Variants in DEPDC5 observed in about 807,000 individuals in gnomAD.
DEPDC5 encodes DEP domain containing 5, GATOR1 subcomplex subunit.
A neutral mutation model predicts 217.3 loss-of-function variants in DEPDC5; 73 were observed. The observed-to-expected ratio is 0.34, with a 90% CI of 0.28 to 0.41. The LOEUF (loss-of-function observed/expected upper bound fraction) is 0.41, where lower values mean the gene tolerates loss of function less well. DEPDC5 is among the 10% of genes least tolerant of loss of function. DEPDC5 has a pLI of 1.00. For synonymous variants in DEPDC5, 733 were observed against 756.7 expected (o/e 0.97, Z 0.51); for missense variants, 1,675 against 2,070.1 (o/e 0.81, Z 3.70).
At chr22:31,903,317 T>A (rs113190837) in intron 41 of DEPDC5, among the ~76,000 whole-genome samples, 300 of 21,638 alleles carry the variant, frequency 0.014, 4 homozygotes, top group Middle Eastern at 0.042. Context: ...GTAAACCCCC[T>A]CCACCTTCCA....
chr22:31,788,543 G>T (rs956115157), intron 10 of DEPDC5, among the ~76,000 whole-genome samples: 3 of 151,226 alleles, frequency 2.0e-5, no homozygotes, highest in Non-Finnish European at 4.4e-5. Flanking sequence ...CTCCCAATGT[G>T]CTGAGATTAC....
chr22:31,780,412 T>C (rs1031098062), intron 8 of DEPDC5, among the ~76,000 whole-genome samples: 2 of 152,126 alleles, frequency 1.3e-5, no homozygotes, highest in Non-Finnish European at 2.9e-5. Context: ...GAAAAGTCTT[T>C]TGGATGCCTG....
intron 3 of DEPDC5, among the ~76,000 whole-genome samples, chr22:31,759,676 CT>C (rs35291104): frequency 0.014 from 1,316 of 94,944 alleles, 8 homozygotes; most frequent in Non-Finnish European, 0.019. Context: ...CGCGCCCAGC[CT>C]TTTTTTTTTT....
chr22:31,778,251 G>C, intron 8 of DEPDC5, 83 bp downstream of exon 8: 1 of 1,392,870 alleles, frequency 7.2e-7, no homozygotes, highest in Non-Finnish European at 1.0e-6. Flanking sequence ...AAACAAGGGC[G>C]GGGCAGGACA....
intron 10 of DEPDC5, 102 bp from the exon 11 acceptor site, chr22:31,791,925 CAAAAAA>C (rs34494517): frequency 2.3e-3 from 282 of 124,004 alleles, no homozygotes; most frequent in South Asian, 6.3e-3. Flanking sequence ...GACTCCGTCT[CAAAAAA>C]AAAAAAAAAA....
At chr22:31,756,122 A>G (rs957575494) in intron 2 of DEPDC5, among the ~76,000 whole-genome samples, 5 of 151,366 alleles carry the variant, frequency 3.3e-5, no homozygotes, top group Admixed American at 6.6e-5. Flanking sequence ...AGCTCAGGCA[A>G]TCCGCCCACC....
At chr22:31,857,387 G>A (rs2092341526) in intron 31 of DEPDC5, 58 bp from the exon 32 acceptor site, 5 of 1,454,192 alleles carry the variant, frequency 3.4e-6, no homozygotes, top group African/African-American at 2.8e-5. Context: ...TGGCCGACAT[G>A]GATCCTTCAC....
intron 31 of DEPDC5, among the ~76,000 whole-genome samples, chr22:31,851,786 C>G (rs1385425302): frequency 6.6e-6 from 1 of 152,200 alleles, no homozygotes; most frequent in South Asian, 2.1e-4. Flanking sequence ...ATTGAACAAG[C>G]AAACGTGAGG....
chr22:31,856,448 AGT>A (rs1569120674), intron 31 of DEPDC5, among the ~76,000 whole-genome samples: 1 of 152,214 alleles, frequency 6.6e-6, no homozygotes, highest in African/African-American at 2.4e-5. Context: ...TTAAGACTTC[AGT>A]GTGAGCCTTC....
intron 16 of DEPDC5, 114 bp downstream of exon 16, chr22:31,804,337 T>TG: frequency 2.0e-6 from 2 of 1,011,592 alleles, no homozygotes; most frequent in Non-Finnish European, 1.5e-6. Flanking sequence ...GAGGCTGAAG[T>TG]GGGAAGATCC....
rs1242826294 is a variant in DEPDC5, at chr22:31,870,584, C to A, written c.3331-6C>A. 6.6e-7 allele frequency: 1 copy of A among 1,510,346 alleles called. No individual in the cohort carries two copies. The highest frequency in any genetic ancestry group is 8.9e-7 in the Non-Finnish European group (1 of 1,129,910). 93.6% of individuals were successfully genotyped at this position (1,510,346 alleles called of 1,614,324 possible). ...AATCAAGTATTCATTTTTAAATCTC[C>A]TGCAGGTATCTGTGGACCAAACAGC... On this transcript the variant is annotated splice_polypyrimidine_tract_variant and splice_region_variant and intron_variant, in intron 33 of 42. Transcript: ENST00000651528.
intron 41 of DEPDC5, 121 bp from the exon 42 acceptor site, chr22:31,905,863 A>G (rs2093748775): frequency 1.1e-6 from 1 of 875,084 alleles, no homozygotes; most frequent in Non-Finnish European, 1.8e-6. Flanking sequence ...TGCAATCTGG[A>G]AAGAGATCTT....
intron 12 of DEPDC5, among the ~76,000 whole-genome samples, chr22:31,796,655 C>G (rs1643171149): frequency 6.6e-6 from 1 of 151,936 alleles, no homozygotes; most frequent in Non-Finnish European, 1.5e-5. Context: ...AGTAGAAGAT[C>G]TTGTTTTCCT....
intron 2 of DEPDC5, 133 bp downstream of exon 2, chr22:31,755,112 T>C (rs2075209466): frequency 2.1e-6 from 2 of 940,718 alleles, no homozygotes; most frequent in East Asian, 2.4e-5. Context: ...AAGCAGCAAC[T>C]GTCATACAGT....
chr22:31,805,909 TC>T (rs2087473245), intron 17 of DEPDC5, among the ~76,000 whole-genome samples: 1 of 152,092 alleles, frequency 6.6e-6, no homozygotes, highest in Non-Finnish European at 1.5e-5. Context: ...ACCATTTTGG[TC>T]AGTGTAGCCA....
intron 38 of DEPDC5, among the ~76,000 whole-genome samples, chr22:31,884,695 C>T (rs2093263898): frequency 6.6e-6 from 1 of 152,162 alleles, no homozygotes; most frequent in South Asian, 2.1e-4. Flanking sequence ...AAGATCTGGT[C>T]ACTGCCAAAT....
chr22:31,789,261 A>T lies in DEPDC5; in HGVS notation c.625-2772A>T, dbSNP rs150803074. On this transcript the variant is annotated intron_variant, in intron 10 of 42. Transcript: ENST00000651528. The stretch of plus-strand genomic sequence containing the variant: ...CAAATGTCTGTCAGCTAAAGCATAG[A>T]TAAATAAAATGTATATCCATACAAT... Among the ~76,000 whole-genome samples the T allele has an allele frequency of 3.0e-3, 464 of 152,368 alleles. 5 individuals carry two copies. Among genetic ancestry groups the T allele is most frequent in the African/African-American group, 0.011 (442 of 41,592 alleles).
chr22:31,769,040 C>T, intron 7 of DEPDC5, 177 bp downstream of exon 7: 2 of 658,990 alleles, frequency 3.0e-6, no homozygotes, highest in East Asian at 6.1e-5. Flanking sequence ...GTGGGCGGAT[C>T]ACGAGGTCAG....
intron 25 of DEPDC5, among the ~76,000 whole-genome samples, chr22:31,834,896 A>G (rs1227554156): frequency 2.0e-5 from 3 of 152,234 alleles, no homozygotes; most frequent in African/African-American, 4.8e-5. Context: ...TGTAATGGCA[A>G]CATTAAGCAT....
Sources: allele counts gnomAD v4.1 joint callset (sites outside exome capture counted in the v4.1 genomes callset), GRCh38; gene constraint gnomAD v4.1.1; transcripts MANE v1.5; gene names NCBI Gene and HGNC (gene_info 2026-07-23, HGNC 2026-07-21).